Variants in EXOC4 observed in about 807,000 individuals in gnomAD.
The protein encoded by EXOC4 is exocyst complex component 4, also known as SEC8-like 1.
A neutral mutation model predicts 107.2 loss-of-function variants in EXOC4; 71 were observed. The observed-to-expected ratio is 0.66, with a 90% CI of 0.55 to 0.81. EXOC4 has a LOEUF of 0.81. Among genes scored for constraint, EXOC4 ranks in the 30% least tolerant of loss-of-function variants. The pLI, the probability that EXOC4 is intolerant of heterozygous loss-of-function variation, is 0.00. For synonymous variants in EXOC4, 456 were observed against 441.2 expected (o/e 1.03, Z -0.42); for missense variants, 1,108 against 1,189.6 (o/e 0.93, Z 1.01).
intron 9 of EXOC4, among the ~76,000 whole-genome samples, chr7:133,617,138 G>A (rs1197663969): frequency 2.0e-5 from 3 of 152,022 alleles, no homozygotes; most frequent in South Asian, 2.1e-4. Flanking sequence ...CAAGTTAACC[G>A]ATAACATTTA....
intron 14 of EXOC4, among the ~76,000 whole-genome samples, chr7:133,972,692 A>G (rs1428407287): frequency 2.6e-5 from 4 of 152,174 alleles, no homozygotes; most frequent in African/African-American, 9.7e-5. Context: ...AACCCCAGAA[A>G]TTTTCACTGT....
At position 133,873,867 on chromosome 7, in the gene EXOC4, C is replaced by T. The variant is rs180835666; in HGVS notation, c.1735-21732C>T. On this transcript the variant is annotated intron_variant, in intron 11 of 17. Coordinates refer to ENST00000253861, the MANE Select transcript of EXOC4 (RefSeq NM_021807.4). ...TTCTGATTTTTAACCACTAACTGTT[C>T]TTGGACTTGGGAGAAAAGCTGCTTC... Among the ~76,000 whole-genome samples, 35 of 152,256 alleles carry T rather than the reference C, an allele frequency of 2.3e-4. No individual in the cohort carries two copies. The East Asian group carries it at 6.0e-3, about 26-fold the overall frequency.
At chr7:133,732,288 GT>G (rs1325489196) in intron 10 of EXOC4, among the ~76,000 whole-genome samples, 3 of 152,190 alleles carry the variant, frequency 2.0e-5, no homozygotes, top group Non-Finnish European at 1.5e-5. Flanking sequence ...CCTGTCAGGG[GT>G]ATGGAGGGAG....
chr7:133,964,015 T>C (rs779065387), intron 14 of EXOC4, among the ~76,000 whole-genome samples: 11 of 152,342 alleles, frequency 7.2e-5, no homozygotes, highest in South Asian at 4.1e-4. Flanking sequence ...ACTTGTCTTA[T>C]ATATTTTATG....
At chr7:133,896,123 A>C (rs1799301214) in intron 12 of EXOC4, among the ~76,000 whole-genome samples, 1 of 152,234 alleles carries the variant, frequency 6.6e-6, no homozygotes. Flanking sequence ...TTTCCTTTTA[A>C]TTAAAAATAT....
chr7:133,460,389 T>G (rs1798562555), intron 7 of EXOC4, among the ~76,000 whole-genome samples: 1 of 152,158 alleles, frequency 6.6e-6, no homozygotes, highest in Non-Finnish European at 1.5e-5. Flanking sequence ...ACAGGAACCC[T>G]TGCGCTAGAA....
At chr7:133,971,570 T>C (rs1387516117) in intron 14 of EXOC4, among the ~76,000 whole-genome samples, 1 of 151,952 alleles carries the variant, frequency 6.6e-6, no homozygotes, top group Non-Finnish European at 1.5e-5. Flanking sequence ...TGAATTTTCT[T>C]AAGGCAGGAT....
intron 10 of EXOC4, among the ~76,000 whole-genome samples, chr7:133,689,119 CT>C (rs1794366689): frequency 6.6e-6 from 1 of 152,134 alleles, no homozygotes; most frequent in Non-Finnish European, 1.5e-5. Context: ...CAGTGAATGG[CT>C]GTCATAGTAG....
chr7:133,443,244 CAGAAATGTCCT>C (rs1477635890), intron 7 of EXOC4, among the ~76,000 whole-genome samples: 8 of 152,242 alleles, frequency 5.3e-5, no homozygotes, highest in African/African-American at 1.7e-4. Context: ...CTATCAGACA[CAGAAATGTCCT>C]TTTCAAGGCT....
chr7:133,966,852 G>A (rs1801082993), intron 14 of EXOC4, among the ~76,000 whole-genome samples: 1 of 152,228 alleles, frequency 6.6e-6, no homozygotes, highest in Non-Finnish European at 1.5e-5. Flanking sequence ...AAATGGGTTA[G>A]GGAGGAGTCC....
chr7:133,816,680 G>T (rs1313519612), intron 10 of EXOC4, among the ~76,000 whole-genome samples: 4 of 152,172 alleles, frequency 2.6e-5, no homozygotes, highest in Non-Finnish European at 5.9e-5. Flanking sequence ...AAGGGTTGGG[G>T]GAAAGATGGT....
intron 9 of EXOC4, among the ~76,000 whole-genome samples, chr7:133,503,689 C>T (rs930217526): frequency 7.9e-5 from 12 of 152,060 alleles, no homozygotes; most frequent in African/African-American, 2.9e-4. Context: ...TAAACATTTG[C>T]GGAAATAATT....
At chr7:133,957,589 G>A (rs989213530) in intron 14 of EXOC4, among the ~76,000 whole-genome samples, 3 of 152,144 alleles carry the variant, frequency 2.0e-5, no homozygotes, top group Non-Finnish European at 4.4e-5. Context: ...TTGGATAATG[G>A]ATTACTCCAT....
At chr7:133,548,791 C>G (rs549317581) in intron 9 of EXOC4, among the ~76,000 whole-genome samples, 2 of 152,312 alleles carry the variant, frequency 1.3e-5, no homozygotes, top group African/African-American at 4.8e-5. Context: ...GTTTGATCTT[C>G]TATCCAGACC....
At chr7:133,664,310 G>C (rs536830802) in intron 10 of EXOC4, among the ~76,000 whole-genome samples, 1 of 152,000 alleles carries the variant, frequency 6.6e-6, no homozygotes, top group Non-Finnish European at 1.5e-5. Context: ...TGTAGTTTTC[G>C]TACCACTTAG....
chr7:133,778,794 G>A (rs1796400106), intron 10 of EXOC4, among the ~76,000 whole-genome samples: 2 of 152,288 alleles, frequency 1.3e-5, no homozygotes, highest in East Asian at 1.9e-4. Context: ...TGTGGTCTCT[G>A]TTATGTCATT....
chr7:133,472,071 T>G (rs1056655046), intron 7 of EXOC4, among the ~76,000 whole-genome samples: 1 of 152,192 alleles, frequency 6.6e-6, no homozygotes, highest in Non-Finnish European at 1.5e-5. Context: ...CCCACATATA[T>G]TCAGGGAAGA....
At position 133,553,870 on chromosome 7, in the gene EXOC4, G is replaced by A. The variant is rs562148928; in HGVS notation, c.1417+73732G>A. On this transcript the variant is annotated intron_variant, in intron 9 of 17. Transcript: ENST00000253861. The stretch of plus-strand genomic sequence containing the variant: ...ACGTAACATGTCACCAGTTTCTCCC[G>A]CCTCCACCCATGTCTATTCTTTGGT... Among the ~76,000 whole-genome samples the A allele has an allele frequency of 7.2e-5, 11 of 152,132 alleles. No homozygotes were observed. In the East Asian group the frequency reaches 9.7e-4, roughly 13 times the overall value.
At chr7:134,047,275 C>T (rs1453398721) in intron 17 of EXOC4, among the ~76,000 whole-genome samples, 2 of 151,962 alleles carry the variant, frequency 1.3e-5, no homozygotes, top group African/African-American at 4.8e-5. Flanking sequence ...ACTTTTTCGT[C>T]CTAAAAAATG....
Sources: gnomAD v4.1 joint callset for allele counts (sites outside exome capture counted in the v4.1 genomes callset) on GRCh38, gnomAD v4.1.1 for gene constraint, MANE v1.5 for transcripts, NCBI Gene and HGNC (gene_info 2026-07-23, HGNC 2026-07-21) for gene names.